The following TUT4 variants were observed in gnomAD, a reference collection of about 807,000 sequenced individuals.
TUT4 encodes terminal uridylyltransferase 4.
TUT4 carries 36 observed loss-of-function variants against 192.2 expected under a neutral mutation model. That is an observed-to-expected ratio of 0.19 (90% CI 0.14 to 0.25). The LOEUF is 0.25. Ranked by LOEUF, TUT4 falls within the 10% of genes least tolerant of loss-of-function variation. The pLI is 1.00. For synonymous variants in TUT4, 618 were observed against 666.0 expected (o/e 0.93, Z 1.11); for missense variants, 1,493 against 1,957.2 (o/e 0.76, Z 4.47).
intron 6 of TUT4, among the ~76,000 whole-genome samples, 178 bp from the exon 7 acceptor site, chr1:52,493,840 T>A (rs935102806): frequency 1.3e-5 from 2 of 151,844 alleles, no homozygotes; most frequent in Non-Finnish European, 2.9e-5. Context: ...GGTTTCCCTG[T>A]ATTGTCCAGG....
At chr1:52,432,001 C>T (rs1271830594) in intron 27 of TUT4, 2 of 152,420 alleles carry the variant, frequency 1.3e-5, no homozygotes, top group African/African-American at 2.4e-5. Flanking sequence ...CAATCCTGTA[C>T]TCAAGTCCCA....
At chr1:52,458,499 A>G (rs753465196) in intron 19 of TUT4, 50 bp from the exon 20 acceptor site, 19 of 1,389,414 alleles carry the variant, frequency 1.4e-5, no homozygotes, top group Non-Finnish European at 1.9e-5. Flanking sequence ...TACTCCATGC[A>G]GAAGTATATT....
At chr1:52,546,241 G>A (rs182681517) in intron 1 of TUT4, among the ~76,000 whole-genome samples, 21 of 152,226 alleles carry the variant, frequency 1.4e-4, no homozygotes, top group African/African-American at 3.9e-4. Flanking sequence ...AAGAGATACT[G>A]TACACTCATG....
chr1:52,532,041 C>T (rs1245528587), intron 1 of TUT4, among the ~76,000 whole-genome samples: 1 of 151,740 alleles, frequency 6.6e-6, no homozygotes, highest in Non-Finnish European at 1.5e-5. Flanking sequence ...GCGTGTGCTA[C>T]CACGCCCAGC....
intron 7 of TUT4, 38 bp downstream of exon 7, chr1:52,493,573 T>TAAAA: frequency 9.6e-7 from 1 of 1,043,360 alleles, no homozygotes; most frequent in Non-Finnish European, 1.3e-6. Flanking sequence ...AAAGACAAAT[T>TAAAA]AAAAAAAAAA....
intron 1 of TUT4, among the ~76,000 whole-genome samples, chr1:52,548,957 T>C (rs923107403): frequency 1.3e-5 from 2 of 152,164 alleles, no homozygotes; most frequent in Non-Finnish European, 2.9e-5. Flanking sequence ...ACTTCCTAAG[T>C]AGTATAACAA....
chr1:52,478,000 T>G lies in TUT4; in HGVS notation c.1849-118A>C, dbSNP rs1466017072. ...CAAAAACTGAGACATGAAGGAGTAA[T>G]TTGCCAAAAAGCAGTCAGTTTGAAG... is the stretch of plus-strand genomic sequence containing the variant. On this transcript the variant is annotated intron_variant, in intron 11 of 29. Transcript: ENST00000257177. The G allele has an allele frequency of 3.0e-6, 3 of 986,898 alleles. No homozygotes were observed. In the South Asian group the frequency reaches 5.7e-5, roughly 19 times the overall value. 61.1% of individuals were successfully genotyped at this position (986,898 alleles called of 1,614,324 possible).
At chr1:52,488,276 C>T (rs1670290833) in intron 9 of TUT4, among the ~76,000 whole-genome samples, 1 of 152,164 alleles carries the variant, frequency 6.6e-6, no homozygotes, top group African/African-American at 2.4e-5. Flanking sequence ...GTGATGAATA[C>T]TCTACCGATA....
rs1010857837 is a variant in TUT4, at chr1:52,541,111, C to T, written c.-94+11820G>A. ...ATCTCAACTACTAGGGTGACTGAGG[C>T]ACAAGAATTGCCTGAACCCAGGAGG... On this transcript the variant is annotated intron_variant, in intron 1 of 29. Coordinates refer to ENST00000257177, the MANE Select transcript of TUT4 (RefSeq NM_001009881.3). Among the ~76,000 whole-genome samples, 3 of 150,754 alleles carry T rather than the reference C, an allele frequency of 2.0e-5. No individual in the cohort carries two copies. In the Admixed American group the frequency reaches 2.0e-4, roughly 10 times the overall value.
At chr1:52,520,462 G>A (rs1252417097) in intron 2 of TUT4, among the ~76,000 whole-genome samples, 1 of 152,168 alleles carries the variant, frequency 6.6e-6, no homozygotes, top group Non-Finnish European at 1.5e-5. Context: ...CATCACTTGG[G>A]AGCTTATTAG....
chr1:52,536,904 G>A lies in TUT4; in HGVS notation c.-93-10531C>T, dbSNP rs149682176. Among the ~76,000 whole-genome samples the A allele has an allele frequency of 1.2e-4, 18 of 152,002 alleles. No individual in the cohort carries two copies. The East Asian group carries it at 2.7e-3, about 23-fold the overall frequency. On this transcript the variant is annotated intron_variant, in intron 1 of 29. Coordinates refer to ENST00000257177, the MANE Select transcript of TUT4 (RefSeq NM_001009881.3). ...AAATAGGCCGGGCGCGGTGGCTCACGCCTGTAATCCCAACACTTTGGGAGG... is the reference window on the plus strand; with the variant it reads ...AAATAGGCCGGGCGCGGTGGCTCACACCTGTAATCCCAACACTTTGGGAGG...
chr1:52,474,019 C>G (rs918362021), intron 13 of TUT4, among the ~76,000 whole-genome samples: 1 of 152,134 alleles, frequency 6.6e-6, no homozygotes, highest in Admixed American at 6.5e-5. Context: ...CCAGCCTGGG[C>G]AACATGGCGA....
intron 14 of TUT4, among the ~76,000 whole-genome samples, chr1:52,469,345 GA>G (rs1665047239): frequency 3.2e-5 from 1 of 31,010 alleles, no homozygotes; most frequent in African/African-American, 2.5e-4. Context: ...GAATCGATAA[GA>G]CTTAAGGGCA....
intron 8 of TUT4, among the ~76,000 whole-genome samples, chr1:52,489,779 T>A (rs190965901): frequency 6.6e-6 from 1 of 152,292 alleles, no homozygotes; most frequent in African/African-American, 2.4e-5. Flanking sequence ...CTAGACAAAC[T>A]GATAAACCAC....
At position 52,495,613 on chromosome 1, in the gene TUT4, G is replaced by A. The variant is rs947993903; in HGVS notation, c.1178-98C>T. 47 of 724,208 alleles carry A rather than the reference G, an allele frequency of 6.5e-5. No individual in the cohort carries two copies. The East Asian group carries it at 8.8e-4, about 14-fold the overall frequency. The allele number at this position is 724,208 out of a possible 1,614,324, so 44.9% of individuals were successfully genotyped here. A position where few individuals can be genotyped will look rare whatever the true frequency, so the allele number is the denominator to read the frequency against. On this transcript the variant is annotated intron_variant, in intron 5 of 29. Transcript: ENST00000257177. ...AAAATTTCACACACTTCAGTTCTAC[G>A]TCTTCCATTTCTAGTAAGACAATTA...
intron 1 of TUT4, among the ~76,000 whole-genome samples, chr1:52,550,487 TA>T (rs1689131448): frequency 6.7e-6 from 1 of 150,360 alleles, no homozygotes; most frequent in Non-Finnish European, 1.5e-5. Flanking sequence ...CATTAACAGG[TA>T]AGTATTGCTT....
At chr1:52,504,592 T>C (rs531021387) in intron 4 of TUT4, among the ~76,000 whole-genome samples, 1 of 152,126 alleles carries the variant, frequency 6.6e-6, no homozygotes, top group Non-Finnish European at 1.5e-5. Flanking sequence ...ATAGCGCCAC[T>C]GCACTTCAGT....
intron 1 of TUT4, among the ~76,000 whole-genome samples, chr1:52,528,348 G>A (rs144192963): frequency 3.3e-5 from 5 of 151,784 alleles, no homozygotes; most frequent in Admixed American, 6.6e-5. Context: ...AAAATTAGCC[G>A]GCCACTGTGG....
chr1:52,487,261 C>G (rs375811596), intron 9 of TUT4, among the ~76,000 whole-genome samples: 1 of 151,820 alleles, frequency 6.6e-6, no homozygotes, highest in African/African-American at 2.4e-5. Flanking sequence ...GCCTGGGCAA[C>G]AAAATGAGAA....
Sources: allele counts gnomAD v4.1 joint callset (sites outside exome capture counted in the v4.1 genomes callset), GRCh38; gene constraint gnomAD v4.1.1; transcripts MANE v1.5; gene names NCBI Gene and HGNC (gene_info 2026-07-23, HGNC 2026-07-21).